GPHN: variants seen among roughly 807,000 people sequenced by gnomAD.
GPHN encodes the protein gephyrin.
Under a neutral mutation model 95.5 loss-of-function variants are expected in GPHN, and 17 were observed. That is an observed-to-expected ratio of 0.18 (90% CI 0.12 to 0.27). The LOEUF (loss-of-function observed/expected upper bound fraction) is 0.27, where lower values mean the gene tolerates loss of function less well. Ranked by LOEUF, GPHN falls within the 10% of genes least tolerant of loss-of-function variation. The probability of loss-of-function intolerance (pLI) is 1.00; values close to 1 mark genes in which losing one functional copy is unlikely to be tolerated. For synonymous variants in GPHN, 320 were observed against 322.5 expected, an observed-to-expected ratio of 0.99 and a Z score of 0.08; for missense variants, 660 against 978.1, an observed-to-expected ratio of 0.67 and a Z score of 4.34.
chr14:67,430,139 T>C, the GPHN span, among the ~76,000 whole-genome samples: 3 of 152,020 alleles, frequency 2.0e-5, no homozygotes, highest in Non-Finnish European at 4.4e-5. Flanking sequence ...GAGGCACGGG[T>C]ACGATGGGAC....
intron 5 of GPHN, among the ~76,000 whole-genome samples, chr14:66,906,651 A>G (rs1433110655): frequency 1.3e-5 from 2 of 152,050 alleles, no homozygotes; most frequent in African/African-American, 4.8e-5. Flanking sequence ...TTTCCTGTTG[A>G]GAGGAGTGAA....
At chr14:67,690,434 A>G in the GPHN span, 2 of 1,611,654 alleles carry the variant, frequency 1.2e-6, no homozygotes, top group South Asian at 1.1e-5. Flanking sequence ...GTTGAGAAAT[A>G]CTAGAATTAA....
chr14:66,615,224 C>G (rs1477369119), intron 1 of GPHN, among the ~76,000 whole-genome samples: 1 of 152,096 alleles, frequency 6.6e-6, no homozygotes, highest in African/African-American at 2.4e-5. Flanking sequence ...TGGGTATATA[C>G]CCAGTGATGG....
intron 9 of GPHN, among the ~76,000 whole-genome samples, chr14:67,022,565 TTTG>T (rs1307003657): frequency 7.5e-5 from 7 of 93,688 alleles, no homozygotes; most frequent in Admixed American, 3.8e-4. Context: ...TTTTTTTTTT[TTTG>T]GTGTGTGTGT....
intron 1 of GPHN, among the ~76,000 whole-genome samples, chr14:66,581,648 A>G (rs2061175970): frequency 6.6e-6 from 1 of 151,956 alleles, no homozygotes; most frequent in South Asian, 2.1e-4. Context: ...CCTATAAGAG[A>G]ATCACTCTCA....
chr14:67,275,370 G>A, the GPHN span, among the ~76,000 whole-genome samples: 1 of 152,150 alleles, frequency 6.6e-6, no homozygotes, highest in East Asian at 1.9e-4. Flanking sequence ...TGCATCTATT[G>A]AGATAATCAT....
At chr14:67,088,316 G>A (rs932015833) in intron 11 of GPHN, among the ~76,000 whole-genome samples, 1 of 152,110 alleles carries the variant, frequency 6.6e-6, no homozygotes, top group Admixed American at 6.5e-5. Context: ...ATATTTTCAT[G>A]TATGTTCTTT....
the GPHN span, among the ~76,000 whole-genome samples, chr14:67,463,333 T>C: frequency 6.6e-6 from 1 of 151,884 alleles, no homozygotes; most frequent in African/African-American, 2.4e-5. Context: ...GGATGTCTAA[T>C]ATTCCATTTT....
chr14:67,151,020 G>A (rs1164610189), intron 18 of GPHN, among the ~76,000 whole-genome samples: 1 of 152,116 alleles, frequency 6.6e-6, no homozygotes, highest in East Asian at 1.9e-4. Flanking sequence ...AGGAATTTTA[G>A]AAATATTTTA....
At chr14:67,480,455 C>T in the GPHN span, among the ~76,000 whole-genome samples, 42 of 152,208 alleles carry the variant, frequency 2.8e-4, no homozygotes, top group African/African-American at 9.4e-4. Context: ...AGAGCCAGCC[C>T]GAGGGGCAGA....
At chr14:66,867,066 GA>G (rs554757472) in intron 4 of GPHN, among the ~76,000 whole-genome samples, 9 of 146,802 alleles carry the variant, frequency 6.1e-5, no homozygotes, top group South Asian at 2.1e-4. Context: ...AATTTGAACT[GA>G]AAAAAAAAAT....
intron 1 of GPHN, among the ~76,000 whole-genome samples, chr14:66,536,133 A>G (rs914066943): frequency 6.6e-6 from 1 of 152,086 alleles, no homozygotes; most frequent in Non-Finnish European, 1.5e-5. Context: ...AAAAAATTTT[A>G]TAGAGAGAGG....
At chr14:67,650,850 T>TTGTCTATGACCAACTTCC in the GPHN span, 1 of 1,614,200 alleles carries the variant, frequency 6.2e-7, no homozygotes, top group Non-Finnish European at 8.5e-7. Context: ...GGAGGGCATA[T>TTGTCTATGACCAACTTCC]TGTCTATGAC....
At chr14:67,600,491 T>G in the GPHN span, among the ~76,000 whole-genome samples, 2 of 152,156 alleles carry the variant, frequency 1.3e-5, no homozygotes, top group African/African-American at 4.8e-5. Context: ...AGTCCAGCAC[T>G]GGGAGGCCAA....
chr14:66,753,622 G>A (rs766186532), intron 2 of GPHN, among the ~76,000 whole-genome samples: 5 of 151,804 alleles, frequency 3.3e-5, no homozygotes, highest in Non-Finnish European at 7.4e-5. Context: ...TGCATTATTG[G>A]TTTTATTTAT....
chr14:67,204,934 G>A, the GPHN span: 2 of 1,612,266 alleles, frequency 1.2e-6, no homozygotes, highest in Non-Finnish European at 1.7e-6. Flanking sequence ...TCCAGAAAAT[G>A]AGGTCCCAGA....
At chr14:67,672,123 A>T in the GPHN span, among the ~76,000 whole-genome samples, 8 of 143,522 alleles carry the variant, frequency 5.6e-5, no homozygotes, top group Non-Finnish European at 9.2e-5. Context: ...TGCAGTCTAC[A>T]TTTTTTTTTT....
At chr14:67,695,637 G>A in the GPHN span, 1 of 1,614,000 alleles carries the variant, frequency 6.2e-7, no homozygotes, top group Non-Finnish European at 8.5e-7. Flanking sequence ...GACCTGATTT[G>A]GGGCGCAGCC....
At chr14:67,625,823 T>C in the GPHN span, among the ~76,000 whole-genome samples, 1 of 149,642 alleles carries the variant, frequency 6.7e-6, no homozygotes, top group Non-Finnish European at 1.5e-5. Context: ...ATTCTAGTGT[T>C]CGGCAAACAT....
Sources: allele counts gnomAD v4.1 joint callset (sites outside exome capture counted in the v4.1 genomes callset), GRCh38; gene constraint gnomAD v4.1.1; transcripts MANE v1.5; gene names NCBI Gene and HGNC (gene_info 2026-07-23, HGNC 2026-07-21).